DRC9: variants seen among roughly 807,000 people sequenced by gnomAD.
DRC9 encodes dynein regulatory complex protein 9.
chr3:197,938,634 A>G, the DRC9 span: 6 of 1,614,186 alleles, frequency 3.7e-6, no homozygotes, highest in Non-Finnish European at 5.1e-6. Context: ...GCATTTTGTT[A>G]AACTCCACAG....
At chr3:197,957,460 T>G in the DRC9 span, 7 of 82,196 alleles carry the variant, frequency 8.5e-5, no homozygotes, top group African/African-American at 1.5e-3. Flanking sequence ...TTGTGGTGGT[T>G]TTTTTTTTTT....
At chr3:197,947,887 G>A in the DRC9 span, among the ~76,000 whole-genome samples, 4 of 151,460 alleles carry the variant, frequency 2.6e-5, no homozygotes, top group Non-Finnish European at 5.9e-5. Flanking sequence ...CCTAGGTCCC[G>A]GGAGACTCCA....
the DRC9 span, chr3:197,950,053 G>C: frequency 1.0e-6 from 1 of 1,000,152 alleles, no homozygotes; most frequent in African/African-American, 1.7e-5. Flanking sequence ...AATTGTAAGA[G>C]TGCTATTGAA....
the DRC9 span, among the ~76,000 whole-genome samples, chr3:197,926,377 G>A: frequency 6.6e-6 from 1 of 152,088 alleles, no homozygotes; most frequent in Non-Finnish European, 1.5e-5. Flanking sequence ...TGTCAGTGTC[G>A]AATCTAAAAA....
the DRC9 span, chr3:197,912,786 C>T: frequency 6.5e-7 from 1 of 1,548,488 alleles, no homozygotes; most frequent in Non-Finnish European, 8.9e-7. Context: ...GTCTTCCCCG[C>T]AGGGCTGGGA....
chr3:197,923,085 G>C, the DRC9 span, among the ~76,000 whole-genome samples: 4 of 152,178 alleles, frequency 2.6e-5, no homozygotes, highest in Admixed American at 6.5e-5. Context: ...TAGGCAATTT[G>C]CTTGGAAGAC....
the DRC9 span, chr3:197,953,778 CAT>C: frequency 3.3e-6 from 2 of 601,362 alleles, no homozygotes; most frequent in Non-Finnish European, 5.9e-6. Flanking sequence ...ACTTGGTTAT[CAT>C]GTGAAAGATT....
chr3:197,930,234 C>A, the DRC9 span, among the ~76,000 whole-genome samples: 2 of 151,530 alleles, frequency 1.3e-5, no homozygotes, highest in Admixed American at 6.6e-5. Context: ...GGGTCCCCAG[C>A]GACTTGAGGG....
At chr3:197,954,925 C>G in the DRC9 span, among the ~76,000 whole-genome samples, 1 of 152,210 alleles carries the variant, frequency 6.6e-6, no homozygotes, top group Admixed American at 6.5e-5. Context: ...TCCATCATGT[C>G]AGTCTTGTTA....
the DRC9 span, chr3:197,912,935 C>A: frequency 1.7e-6 from 1 of 604,966 alleles, no homozygotes; most frequent in Non-Finnish European, 2.9e-6. Flanking sequence ...ACTGTGTGGA[C>A]TGCGTGTGTC....
At chr3:197,951,162 G>T in the DRC9 span, 2 of 1,614,134 alleles carry the variant, frequency 1.2e-6, no homozygotes, top group East Asian at 4.5e-5. Flanking sequence ...GTCTTAGGCT[G>T]TGGTCCAAGG....
At chr3:197,902,638 T>G in the DRC9 span, among the ~76,000 whole-genome samples, 4 of 151,754 alleles carry the variant, frequency 2.6e-5, no homozygotes, top group African/African-American at 7.3e-5. Context: ...TTCGTGAGCC[T>G]GAAGACAGGC....
chr3:197,895,753 T>G, the DRC9 span, among the ~76,000 whole-genome samples: 1 of 149,886 alleles, frequency 6.7e-6, no homozygotes, highest in Admixed American at 6.6e-5. Flanking sequence ...AGCAGGTGGA[T>G]TACTTGAGTC....
chr3:197,902,176 C>T, the DRC9 span, among the ~76,000 whole-genome samples: 1 of 152,190 alleles, frequency 6.6e-6, no homozygotes, highest in African/African-American at 2.4e-5. Flanking sequence ...GGAGTGTTCC[C>T]TAATGAGGTA....
the DRC9 span, chr3:197,953,723 A>G: frequency 1.4e-5 from 7 of 506,258 alleles, no homozygotes; most frequent in East Asian, 1.5e-4. Flanking sequence ...TATTTTTTCA[A>G]TATTGCCTCT....
At chr3:197,952,162 G>GTTTTTTTTT in the DRC9 span, among the ~76,000 whole-genome samples, 5 of 83,886 alleles carry the variant, frequency 6.0e-5, no homozygotes, top group African/African-American at 1.5e-4. Context: ...AAAATTATGG[G>GTTTTTTTTT]TTTTTTTTTT....
the DRC9 span, chr3:197,955,831 TA>T: frequency 7.3e-7 from 1 of 1,365,730 alleles, no homozygotes; most frequent in Non-Finnish European, 1.0e-6. Context: ...TTAAGTGGAT[TA>T]AAAAACTTAC....
At chr3:197,908,558 G>A in the DRC9 span, among the ~76,000 whole-genome samples, 1 of 146,882 alleles carries the variant, frequency 6.8e-6, no homozygotes, top group African/African-American at 2.5e-5. Flanking sequence ...TTATCACAGG[G>A]GTGACTGTAC....
chr3:197,950,431 A>G, the DRC9 span: 20 of 811,322 alleles, frequency 2.5e-5, 1 homozygote, highest in Non-Finnish European at 3.2e-5. Flanking sequence ...GGGTTATCCC[A>G]GTTAAATTCC....
Sources: allele counts gnomAD v4.1 joint callset (sites outside exome capture counted in the v4.1 genomes callset), GRCh38; gene constraint gnomAD v4.1.1; transcripts MANE v1.5; gene names NCBI Gene and HGNC (gene_info 2026-07-23, HGNC 2026-07-21).